The following PRIMPOL variants were observed in gnomAD, a reference collection of about 807,000 sequenced individuals.
PRIMPOL encodes primase and DNA directed polymerase, also known as DNA-directed primase/polymerase protein.
In PRIMPOL, 54 loss-of-function variants were observed where a neutral mutation model predicts 63.6. The ratio of observed to expected loss-of-function variants is 0.85; its 90% CI spans 0.68 to 1.07. The LOEUF (loss-of-function observed/expected upper bound fraction) is 1.07, where lower values mean the gene tolerates loss of function less well. Ranked by LOEUF, PRIMPOL falls within the 50% of genes least tolerant of loss-of-function variation. PRIMPOL has a pLI of 0.00. For synonymous variants in PRIMPOL, 197 were observed against 220.2 expected (o/e 0.89, Z 0.93); for missense variants, 610 against 648.3 (o/e 0.94, Z 0.64).
At chr4:184,694,264 G>A (rs2150190064) in intron 13 of PRIMPOL, 1 of 1,193,544 alleles carries the variant, frequency 8.4e-7, no homozygotes, top group Non-Finnish European at 1.0e-6. Flanking sequence ...CCGTCGGGGA[G>A]TATTGAAAAG....
chr4:184,662,036 G>A, intron 5 of PRIMPOL, 133 bp downstream of exon 5: 2 of 723,766 alleles, frequency 2.8e-6, no homozygotes, highest in Non-Finnish European at 2.0e-6. Flanking sequence ...TTGACTTTAG[G>A]ATTTTTTAAT....
chr4:184,671,315 C>G (rs994041921), intron 6 of PRIMPOL, among the ~76,000 whole-genome samples: 1 of 152,220 alleles, frequency 6.6e-6, no homozygotes, highest in Non-Finnish European at 1.5e-5. Flanking sequence ...CAGGGCGTGT[C>G]GTGGCAGGTA....
At chr4:184,687,183 G>T (rs960866838) in intron 11 of PRIMPOL, among the ~76,000 whole-genome samples, 1 of 152,100 alleles carries the variant, frequency 6.6e-6, no homozygotes, top group Non-Finnish European at 1.5e-5. Context: ...TGATTCTCCT[G>T]CCTTAGCCTC....
chr4:184,675,563 T>A (rs1753075099), intron 7 of PRIMPOL, among the ~76,000 whole-genome samples: 1 of 152,204 alleles, frequency 6.6e-6, no homozygotes, highest in Non-Finnish European at 1.5e-5. Flanking sequence ...ATGCCTGTAA[T>A]CCCAACACTT....
rs771298344 is a variant in PRIMPOL at position 184,694,645 on chromosome 4, AT to A, written c.1551del (p.Ile517MetfsTer7). 5.0e-6 allele frequency: 8 copies of A among 1,614,066 alleles called. No homozygotes were observed. The Admixed American group carries it at 1.3e-4, about 27-fold the overall frequency. ...TGCTGATGCTGTCTGGGATAATGGC[AT>A]TGATGATGCTTATTTTTTAGAAGCT... Reference protein sequence around the residue: ...ASADAVWDNGIDDAYFLEATE... With the variant: ...ASADAVWDNGXDDAYFLEATE... On this transcript the variant is annotated frameshift_variant, in exon 14 of 14. Coordinates refer to ENST00000314970, the MANE Select transcript of PRIMPOL (RefSeq NM_152683.4). LOFTEE classifies it low-confidence loss of function (END_TRUNC).
rs1161280660 is a variant in PRIMPOL at position 184,694,594 on chromosome 4, CCTAGCAGG to C, written c.1501_1508del (p.Ser501ValfsTer7). 5 of 1,614,012 alleles carry C rather than the reference CCTAGCAGG, an allele frequency of 3.1e-6. No individual in the cohort carries two copies. The highest frequency in any genetic ancestry group is 4.2e-6 in the Non-Finnish European group (5 of 1,179,986). The stretch of plus-strand genomic sequence containing the variant: ...AACCCAGAATCCTCATAAACCATCA[CCTAGCAGG>C]CTGTCAACAGGTGCATCTGCTGATG... On this transcript the variant is annotated frameshift_variant, in exon 14 of 14. Coordinates refer to ENST00000314970, the MANE Select transcript of PRIMPOL (RefSeq NM_152683.4). LOFTEE classifies it low-confidence loss of function (END_TRUNC).
In PRIMPOL at chr4:184,672,178, T is replaced by C; in HGVS notation, c.562T>C (p.Phe188Leu). The C allele has an allele frequency of 6.2e-7, 1 of 1,606,182 alleles. No homozygotes were observed. Among genetic ancestry groups the C allele is most frequent in the Non-Finnish European group, 8.5e-7 (1 of 1,177,428 alleles). Residue 188 changes from phenylalanine to leucine, a missense_variant, in exon 7 of 14, where the codon TTT becomes CTT. Physicochemically the swap from Phe to Leu is conservative, Grantham distance 22 (BLOSUM62 0). Transcript: ENST00000314970. ...AFKDNIHVGNFLRKILQPALD... is the reference protein window; with the variant it reads ...AFKDNIHVGNLLRKILQPALD... ...ATAATAGCTTTTTTCCTTAGGTAAT[T>C]TTTTGAGAAAAATTTTGCAGCCTGC...
chr4:184,677,543 T>TGC (rs148677827), intron 7 of PRIMPOL, among the ~76,000 whole-genome samples: 122,038 of 152,126 alleles, frequency 0.8, 49,882 homozygotes, highest in East Asian at 0.99. Flanking sequence ...CTGTCTAATA[T>TGC]AGTTTTGTTA....
At chr4:184,670,710 G>A (rs970711100) in intron 6 of PRIMPOL, among the ~76,000 whole-genome samples, 1 of 151,958 alleles carries the variant, frequency 6.6e-6, no homozygotes, top group Non-Finnish European at 1.5e-5. Flanking sequence ...ACCACACCTG[G>A]CTAATTTTTG....
chr4:184,651,809 C>A (rs1233253837), intron 1 of PRIMPOL, among the ~76,000 whole-genome samples: 2 of 152,134 alleles, frequency 1.3e-5, no homozygotes, highest in South Asian at 4.1e-4. Flanking sequence ...CCACTAGGCC[C>A]AGCTAATTTT....
intron 7 of PRIMPOL, among the ~76,000 whole-genome samples, chr4:184,673,194 A>G (rs1352875050): frequency 2.0e-5 from 3 of 150,310 alleles, no homozygotes; most frequent in Middle Eastern, 3.4e-3. Context: ...CAGTGGCACA[A>G]TCTCAGCTCA....
chr4:184,685,540 G>A (rs1756766836), intron 10 of PRIMPOL, 36 bp from the exon 11 acceptor site: 19 of 1,593,316 alleles, frequency 1.2e-5, no homozygotes, highest in Non-Finnish European at 1.6e-5. Context: ...ATATGATAGA[G>A]TGATAGTAGC....
rs181618601 is a variant in PRIMPOL, at chr4:184,670,077, A to G, written c.557-2096A>G. Among the ~76,000 whole-genome samples, 7 of 152,284 alleles carry G rather than the reference A, an allele frequency of 4.6e-5. No homozygotes were observed. The East Asian group carries it at 1.3e-3, about 29-fold the overall frequency. On this transcript the variant is annotated intron_variant, in intron 6 of 13. Transcript: ENST00000314970. ...TCTTTTGAGTTATTTCCAGCAAATT[A>G]GATAGTTCCTGTCCTCATGAGGGTT...
chr4:184,659,735 T>G (rs548867258), intron 4 of PRIMPOL, among the ~76,000 whole-genome samples: 1 of 152,364 alleles, frequency 6.6e-6, no homozygotes, highest in East Asian at 1.9e-4. Flanking sequence ...AAGGAATATT[T>G]ATGTTACTTA....
chr4:184,668,938 C>T (rs968801350), intron 6 of PRIMPOL, among the ~76,000 whole-genome samples: 14 of 151,772 alleles, frequency 9.2e-5, no homozygotes, highest in African/African-American at 3.4e-4. Flanking sequence ...AAATACAAGT[C>T]GGCAGCCTCA....
chr4:184,690,019 G>C (rs1456211205), intron 11 of PRIMPOL, among the ~76,000 whole-genome samples: 2 of 152,140 alleles, frequency 1.3e-5, no homozygotes, highest in Non-Finnish European at 2.9e-5. Flanking sequence ...GGGAAGATTA[G>C]ACTAAGTCAC....
At chr4:184,694,153 G>T in intron 13 of PRIMPOL, 1 of 890,246 alleles carries the variant, frequency 1.1e-6, no homozygotes, top group Non-Finnish European at 1.4e-6. Context: ...AAAATTTAAA[G>T]CATGGGTACT....
intron 6 of PRIMPOL, 47 bp from the exon 7 acceptor site, chr4:184,672,126 G>A (rs371359916): frequency 2.2e-5 from 33 of 1,473,986 alleles, no homozygotes; most frequent in Non-Finnish European, 2.6e-5. Flanking sequence ...CTTAAGATGC[G>A]GTGTGTGGAG....
rs775754098 is a variant in PRIMPOL, at chr4:184,661,931, T to C, written c.408+28T>C. 7 of 1,460,922 alleles carry C rather than the reference T, an allele frequency of 4.8e-6. No individual in the cohort carries two copies. In the South Asian group the frequency reaches 7.0e-5, roughly 15 times the overall value. The allele number at this position is 1,460,922 out of a possible 1,614,324, so 90.5% of individuals were successfully genotyped here. Reference sequence around the variant, plus strand: ...AAATGGCCAACTCAAGTTTTTCTTATTTCTATCCATCTCTTCATTGGCTTA... The same window carrying C: ...AAATGGCCAACTCAAGTTTTTCTTACTTCTATCCATCTCTTCATTGGCTTA... On this transcript the variant is annotated intron_variant, in intron 5 of 13. Transcript: ENST00000314970.
Sources: gnomAD v4.1 joint callset for allele counts (sites outside exome capture counted in the v4.1 genomes callset) on GRCh38, gnomAD v4.1.1 for gene constraint, MANE v1.5 for transcripts, NCBI Gene and HGNC (gene_info 2026-07-23, HGNC 2026-07-21) for gene names.